Variants in OGG1 observed in about 807,000 individuals in gnomAD.
OGG1 encodes 8-oxoguanine DNA glycosylase.
A neutral mutation model predicts 42.3 loss-of-function variants in OGG1; 35 were observed. The observed-to-expected ratio is 0.83, with a 90% CI of 0.63 to 1.10. OGG1 has a LOEUF of 1.10. OGG1 is among the 50% of genes least tolerant of loss of function. The pLI, the probability that OGG1 is intolerant of heterozygous loss-of-function variation, is 0.00. For missense variants in OGG1, 484 were observed against 446.7 expected (o/e 1.08, Z -0.75); for synonymous variants, 189 against 179.0 (o/e 1.06, Z -0.44).
At chr3:9,789,723 C>T (rs770147405), downstream of OGG1, 3 of 1,612,900 alleles carry the variant, frequency 1.9e-6, no homozygotes, top group Non-Finnish European at 2.5e-6. Context: ...CTGTTGGGGG[C>T]ATCATTTTTG....
At chr3:9,750,777 A>T in intron 1 of OGG1, 168 bp from the exon 2 acceptor site, 1 of 896,828 alleles carries the variant, frequency 1.1e-6, no homozygotes, top group Non-Finnish European at 1.7e-6. Context: ...GCCCGGTTAA[A>T]TTTTTGTATT....
chr3:9,779,970 T>C (rs2125612475), intron 2 of OGG1: 1 of 162,036 alleles, frequency 6.2e-6, no homozygotes, highest in East Asian at 1.8e-4. Flanking sequence ...TGGATGCTTT[T>C]TTTGAAAAAC....
downstream of OGG1, chr3:9,761,412 G>A (rs539428579): frequency 1.1e-4 from 169 of 1,562,558 alleles, 2 homozygotes; most frequent in South Asian, 1.2e-3. Context: ...GAAAGTAGGC[G>A]AGAGGACAAC....
chr3:9,750,306 TG>T lies in OGG1; in HGVS notation c.21del (p.Arg9GlyfsTer8). 6.2e-7 allele frequency: 1 copy of T among 1,612,446 alleles called. No homozygotes were observed. The highest frequency in any genetic ancestry group is 8.5e-7 in the Non-Finnish European group (1 of 1,179,034). Reference sequence around the variant, plus strand: ...GTGGAAATGCCTGCCCGCGCGCTTCTGCCCAGGCGCATGGGGCATCGTACTC... The same window carrying T: ...GTGGAAATGCCTGCCCGCGCGCTTCTCCCAGGCGCATGGGGCATCGTACTC... MPARALLPRRMGHRTLA... is the reference protein window; with the variant it reads MPARALXPRRMGHRTLA... On this transcript the variant is annotated frameshift_variant, in exon 1 of 7. Transcript: ENST00000344629. LOFTEE classifies it high-confidence loss of function.
rs2077222429 is a variant in OGG1, at chr3:9,750,057, A to C, written c.-230A>C. 1 of 595,942 alleles carries C rather than the reference A, an allele frequency of 1.7e-6. No homozygotes were observed. The highest frequency in any genetic ancestry group is 1.9e-5 in the African/African-American group (1 of 53,786). 36.9% of individuals were successfully genotyped at this position (595,942 alleles called of 1,614,324 possible). A position where few individuals can be genotyped will look rare whatever the true frequency, so the allele number is the denominator to read the frequency against. On this transcript the variant is annotated 5_prime_UTR_variant, in exon 1 of 7. Transcript: ENST00000344629. ...AAGTCGCAAGGAGGGGGCGGGACCT[A>C]CACCTCAGGAAAGCCGGAGAATTGG...
At chr3:9,785,821 T>C (rs1469106812) in intron 3 of OGG1, among the ~76,000 whole-genome samples, 1 of 152,194 alleles carries the variant, frequency 6.6e-6, no homozygotes, top group East Asian at 1.9e-4. Flanking sequence ...CCAGGCTCTC[T>C]TGCAGGCGGG....
downstream of OGG1, chr3:9,760,807 G>A (rs1448173323): frequency 1.2e-6 from 2 of 1,612,566 alleles, no homozygotes; most frequent in Non-Finnish European, 1.7e-6. Flanking sequence ...CCACTTTCGG[G>A]TGCCGTTGGC....
chr3:9,772,723 A>G lies in OGG1; in HGVS notation c.295-8790A>G, dbSNP rs1378545808. 3.9e-5 allele frequency among the ~76,000 whole-genome samples: 6 copies of G among 152,250 alleles called. No homozygotes were observed. The East Asian group carries it at 1.2e-3, about 29-fold the overall frequency. On this transcript the variant is annotated intron_variant, in intron 2 of 3. Transcript: ENST00000426518. ...CTGTTGCCAGGAGAATTAGGGTGCT[A>G]TATTGAGCAAGTGTACTGTAATGGG...
At chr3:9,785,356 C>T in intron 3 of OGG1, 3 of 1,614,052 alleles carry the variant, frequency 1.9e-6, no homozygotes, top group South Asian at 1.1e-5. Context: ...GTGCTTGCCC[C>T]GTCAGCCCCT....
At chr3:9,752,520 ACT>A (rs1166608512) in intron 3 of OGG1, among the ~76,000 whole-genome samples, 2 of 121,850 alleles carry the variant, frequency 1.6e-5, no homozygotes, top group Non-Finnish European at 3.2e-5. Context: ...ACAGAGCGAG[ACT>A]CTGTCTCAAA....
At position 9,757,113 on chromosome 3, in the gene OGG1, C is replaced by T. The variant is rs551965289; in HGVS notation, c.1001C>T (p.Ala334Val). The T allele has an allele frequency of 1.7e-5, 27 of 1,614,136 alleles. No homozygotes were observed. The East Asian group carries it at 3.6e-4, about 21-fold the overall frequency. The change falls in exon 7 of 7, where the codon GCA (alanine) becomes GTA (valine). Residue 334 changes from alanine to valine, a missense_variant. Coordinates refer to ENST00000344629, the MANE Select transcript of OGG1 (RefSeq NM_002542.6). The surrounding 1 kb of genome is among the most constrained non-coding windows in gnomAD (Gnocchi z 4.5). ...RQSRHAQEPP[A>V]KRRKGSKGPE... ...TCCCGCCATGCTCAGGAGCCACCAG[C>T]AAAGCGCAGAAAGGGTTCCAAAGGG...
chr3:9,760,687 G>A, downstream of OGG1: 1 of 1,614,068 alleles, frequency 6.2e-7, no homozygotes, highest in Non-Finnish European at 8.5e-7. Context: ...AGTAAGGAGA[G>A]TCAAACTCGT....
downstream of OGG1, chr3:9,761,951 TG>T: frequency 1.1e-5 from 8 of 714,388 alleles, no homozygotes; most frequent in East Asian, 5.8e-5. Flanking sequence ...CAAGAGGGTG[TG>T]GGGGGGAACT....
downstream of OGG1, chr3:9,758,636 TC>T: frequency 6.2e-6 from 1 of 162,070 alleles, no homozygotes; most frequent in Admixed American, 6.1e-5. Context: ...GAGAGCTCTT[TC>T]TTTTTTTTTT....
chr3:9,769,071 G>T (rs1436434027), downstream of OGG1, among the ~76,000 whole-genome samples: 1 of 151,746 alleles, frequency 6.6e-6, no homozygotes. Context: ...TCCACATCCC[G>T]TGACACCTGA....
chr3:9,763,459 A>G (rs2077990122), intron 7 of OGG1, among the ~76,000 whole-genome samples: 1 of 150,658 alleles, frequency 6.6e-6, no homozygotes, highest in Non-Finnish European at 1.5e-5. Context: ...AGCCACCCCC[A>G]ACCCCCGACC....
At chr3:9,765,830 G>C in exon 8 of OGG1, 1 of 1,614,020 alleles carries the variant, frequency 6.2e-7, no homozygotes, top group Non-Finnish European at 8.5e-7. Context: ...CAATGCATTT[G>C]ATGGCCACCA....
intron 7 of OGG1, among the ~76,000 whole-genome samples, chr3:9,764,101 C>G (rs1229954810): frequency 6.6e-6 from 1 of 152,188 alleles, no homozygotes. Context: ...TCCTCCAGCA[C>G]CTGGTACAGG....
downstream of OGG1, chr3:9,758,069 A>C: frequency 1.7e-6 from 1 of 575,878 alleles, no homozygotes; most frequent in Non-Finnish European, 2.9e-6. Context: ...ATATATATAA[A>C]TAGAAACATA....
Sources: gnomAD v4.1 joint callset for allele counts (sites outside exome capture counted in the v4.1 genomes callset) on GRCh38, gnomAD v4.1.1 for gene constraint, Gnocchi (gnomAD v3.1) non-coding constraint, MANE v1.5 for transcripts, NCBI Gene and HGNC (gene_info 2026-07-23, HGNC 2026-07-21) for gene names.